The following TTLL5 variants were observed in gnomAD, a reference collection of about 807,000 sequenced individuals.
TTLL5 encodes the protein tubulin tyrosine ligase like 5.
In TTLL5, 132 loss-of-function variants were observed where a neutral mutation model predicts 168.4. The observed-to-expected ratio is 0.78, with a 90% CI of 0.68 to 0.91. The LOEUF is 0.91. TTLL5 is among the 40% of genes least tolerant of loss of function. The probability of loss-of-function intolerance (pLI) is 0.00; values close to 1 mark genes in which losing one functional copy is unlikely to be tolerated. For missense variants in TTLL5, 1,545 were observed against 1,581.5 expected (o/e 0.98, Z 0.39); for synonymous variants, 546 against 558.6 (o/e 0.98, Z 0.32).
chr14:75,882,553 T>G, intron 29 of TTLL5, 132 bp from the exon 30 acceptor site: 3 of 774,282 alleles, frequency 3.9e-6, no homozygotes, highest in Non-Finnish European at 2.0e-6. Flanking sequence ...TTAGAGAAGT[T>G]TTTCCTTAAA....
At chr14:75,833,853 C>T (rs1306685632) in intron 28 of TTLL5, among the ~76,000 whole-genome samples, 1 of 152,130 alleles carries the variant, frequency 6.6e-6, no homozygotes, top group Non-Finnish European at 1.5e-5. Flanking sequence ...TAGTTCTCTG[C>T]CTGATAAATT....
chr14:75,800,068 C>G (rs1021466863), intron 27 of TTLL5, among the ~76,000 whole-genome samples: 2 of 152,224 alleles, frequency 1.3e-5, no homozygotes, highest in Non-Finnish European at 1.5e-5. Flanking sequence ...GTTTTCCAAA[C>G]TTTTAGATTT....
intron 31 of TTLL5, among the ~76,000 whole-genome samples, chr14:75,931,668 T>G (rs1219384927): frequency 6.6e-6 from 1 of 152,112 alleles, no homozygotes; most frequent in East Asian, 1.9e-4. Flanking sequence ...ACTCTGTAAG[T>G]GGATTGCCAA....
intron 12 of TTLL5, among the ~76,000 whole-genome samples, chr14:75,723,436 G>C (rs1887974653): frequency 6.6e-6 from 1 of 151,974 alleles, no homozygotes; most frequent in South Asian, 2.1e-4. Context: ...TGAGGGGTTG[G>C]GACTAGGAGC....
chr14:75,771,751 T>C lies in TTLL5; in HGVS notation c.2033T>C (p.Ile678Thr). Reference protein sequence around the residue: ...NGNLSKMQARIAFSAYLQHVQ... With the variant: ...NGNLSKMQARTAFSAYLQHVQ... ...TTCTATAGCAAAATGCAGGCCCGAA[T>C]AGCATTCTCTGCCTATCTCCAGCAT... The change falls in exon 21 of 32, where the codon ATA (isoleucine) becomes ACA (threonine). Residue 678 changes from isoleucine (I) to threonine (T), a missense_variant. Transcript: ENST00000298832. 6.2e-7 allele frequency: 1 copy of C among 1,614,008 alleles called. No individual in the cohort carries two copies. Among genetic ancestry groups the C allele is most frequent in the Non-Finnish European group, 8.5e-7 (1 of 1,179,936 alleles).
At chr14:75,793,150 T>C in intron 27 of TTLL5, 50 bp downstream of exon 27, 1 of 1,459,940 alleles carries the variant, frequency 6.8e-7, no homozygotes, top group South Asian at 1.6e-5. Context: ...GAGGATAGAA[T>C]TAATGACAGG....
intron 12 of TTLL5, among the ~76,000 whole-genome samples, chr14:75,731,702 T>C (rs1888557046): frequency 6.6e-6 from 1 of 152,218 alleles, no homozygotes; most frequent in Non-Finnish European, 1.5e-5. Context: ...CACTGATTTC[T>C]CTTTCCTTGT....
At chr14:75,734,161 G>A (rs1002249374) in intron 14 of TTLL5, 111 bp downstream of exon 14, 9 of 966,434 alleles carry the variant, frequency 9.3e-6, no homozygotes, top group African/African-American at 5.0e-5. Context: ...ATGCTGAATG[G>A]TTTGTACTAA....
chr14:75,875,270 G>A (rs1370922069), intron 29 of TTLL5, among the ~76,000 whole-genome samples: 2 of 149,966 alleles, frequency 1.3e-5, no homozygotes, highest in Non-Finnish European at 3.0e-5. Flanking sequence ...TGGGCTGGGC[G>A]TAGTGGCTCA....
At position 75,919,157 on chromosome 14, in the gene TTLL5, C is replaced by T. The variant is rs946440147; in HGVS notation, c.3823+16933C>T. ...CAGAGGTTGCAGTGAGCTGAGATCA[C>T]GCCACTGCACTCCAGCCTGGCTCCA... is the stretch of plus-strand genomic sequence containing the variant. On this transcript the variant is annotated intron_variant, in intron 31 of 31. Transcript: ENST00000298832. Among the ~76,000 whole-genome samples the T allele has an allele frequency of 6.6e-5, 9 of 137,380 alleles. No individual in the cohort carries two copies. In the East Asian group the frequency reaches 1.7e-3, roughly 26 times the overall value. The allele number at this position is 137,380 out of a possible 152,430, so 90.1% of individuals were successfully genotyped here.
chr14:75,922,695 T>G (rs1458994669), intron 31 of TTLL5, among the ~76,000 whole-genome samples: 1 of 152,218 alleles, frequency 6.6e-6, no homozygotes, highest in Non-Finnish European at 1.5e-5. Flanking sequence ...ATTCTCTTTT[T>G]TTGTTGTGTC....
Position 75,707,049 on chromosome 14 carries a change from T to G in TTLL5, c.617T>G (p.Leu206Trp), listed in dbSNP as rs1360555044. 1 of 1,612,960 alleles carries G rather than the reference T, an allele frequency of 6.2e-7. No individual in the cohort carries two copies. The highest frequency in any genetic ancestry group is 1.1e-5 in the South Asian group (1 of 91,022). ...PNQISLEENILVSRYINNPLL... is the reference protein window; with the variant it reads ...PNQISLEENIWVSRYINNPLL... ...CAGATCTCCCTGGAAGAGAACATTT[T>G]GGTCTCCCGTTACATTAACAACCCC... is the stretch of plus-strand genomic sequence containing the variant. Residue 206 changes from leucine to tryptophan, a missense_variant, in exon 8 of 32, where the codon TTG (leucine) becomes TGG (tryptophan). Transcript: ENST00000298832.
chr14:75,790,584 C>T (rs2140346245), intron 26 of TTLL5, among the ~76,000 whole-genome samples: 1 of 151,654 alleles, frequency 6.6e-6, no homozygotes, highest in East Asian at 2.0e-4. Flanking sequence ...GCAATCCTCA[C>T]ACCTCAGCCT....
intron 27 of TTLL5, chr14:75,803,113 C>G (rs185084100): frequency 2.0e-5 from 3 of 152,186 alleles, no homozygotes; most frequent in Non-Finnish European, 4.4e-5. Flanking sequence ...GATGGAGATT[C>G]TCTGAGACAC....
intron 31 of TTLL5, among the ~76,000 whole-genome samples, chr14:75,910,711 G>A (rs1000399219): frequency 2.6e-5 from 4 of 152,258 alleles, no homozygotes; most frequent in African/African-American, 9.6e-5. Context: ...CCCAAAAAGT[G>A]TAGGTAGATA....
chr14:75,748,281 TA>T (rs35811861), intron 17 of TTLL5, among the ~76,000 whole-genome samples: 10,313 of 143,356 alleles, frequency 0.072, 568 homozygotes, highest in African/African-American at 0.17. Flanking sequence ...AACTTTTTCT[TA>T]AAAAAAAAAA....
chr14:75,762,148 C>T (rs1206410394), intron 18 of TTLL5, among the ~76,000 whole-genome samples: 3 of 152,034 alleles, frequency 2.0e-5, no homozygotes, highest in Non-Finnish European at 4.4e-5. Context: ...GTAATCCCAG[C>T]ACTTTGGGAG....
intron 3 of TTLL5, among the ~76,000 whole-genome samples, chr14:75,679,694 C>T (rs1884459695): frequency 6.6e-6 from 1 of 152,188 alleles, no homozygotes; most frequent in Non-Finnish European, 1.5e-5. Context: ...TGTCCCTAAT[C>T]AGTTTTTGAG....
At chr14:75,929,445 A>C in intron 31 of TTLL5, among the ~76,000 whole-genome samples, 2 of 95,506 alleles carry the variant, frequency 2.1e-5, no homozygotes, top group African/African-American at 3.9e-5. Context: ...CAATAAAGAT[A>C]CCTTTTTTTT....
Sources: allele counts gnomAD v4.1 joint callset (sites outside exome capture counted in the v4.1 genomes callset), GRCh38; gene constraint gnomAD v4.1.1; transcripts MANE v1.5; gene names NCBI Gene and HGNC (gene_info 2026-07-23, HGNC 2026-07-21).